The following CCDC110 variants were observed in gnomAD, a reference collection of about 807,000 sequenced individuals.
The protein encoded by CCDC110 is coiled-coil domain-containing protein 110.
Under a neutral mutation model 77.1 loss-of-function variants are expected in CCDC110, and 70 were observed. The observed-to-expected ratio is 0.91, with a 90% CI of 0.75 to 1.11. The LOEUF (loss-of-function observed/expected upper bound fraction) is 1.11. CCDC110 is among the 50% of genes least tolerant of loss of function. The pLI is 0.00. For synonymous variants in CCDC110, 295 were observed against 312.5 expected, an observed-to-expected ratio of 0.94 and a Z score of 0.59; for missense variants, 868 against 942.9, an observed-to-expected ratio of 0.92 and a Z score of 1.04.
At chr4:185,449,363 A>T (rs1014325303) in intron 6 of CCDC110, among the ~76,000 whole-genome samples, 2 of 152,130 alleles carry the variant, frequency 1.3e-5, no homozygotes, top group Non-Finnish European at 2.9e-5. Flanking sequence ...TCTACAAAAA[A>T]TATAAAAATT....
At chr4:185,456,586 G>A (rs1210081110) in intron 6 of CCDC110, among the ~76,000 whole-genome samples, 2 of 152,156 alleles carry the variant, frequency 1.3e-5, no homozygotes, top group Non-Finnish European at 2.9e-5. Context: ...CAAGTCCTTT[G>A]AACGTTAAAA....
chr4:185,449,967 G>A (rs2153317561), intron 6 of CCDC110: 1 of 205,576 alleles, frequency 4.9e-6, no homozygotes, highest in South Asian at 1.5e-4. Flanking sequence ...GGGAGGAGCG[G>A]AAGAGACTGC....
Position 185,471,657 on chromosome 4 carries a change from C to T in CCDC110, c.10+17G>A, listed in dbSNP as rs539603597. ...TCCCGCGGCTCCCCTAGGAGCCCCG[C>T]CCCGTCCAACTCTTACCCGGGCTCA... On this transcript the variant is annotated intron_variant, in intron 1 of 6. Coordinates refer to ENST00000307588, the MANE Select transcript of CCDC110 (RefSeq NM_152775.4). The T allele has an allele frequency of 6.4e-7, 1 of 1,564,038 alleles. No individual in the cohort carries two copies. The highest frequency in any genetic ancestry group is 1.8e-5 in the Admixed American group (1 of 55,040).
Position 185,445,381 on chromosome 4 carries a change from G to A in CCDC110, c.*121C>T, listed in dbSNP as rs2153312363. 1.2e-6 allele frequency: 1 copy of A among 820,746 alleles called. No individual in the cohort carries two copies. Among genetic ancestry groups the A allele is most frequent in the Non-Finnish European group, 2.0e-6 (1 of 511,022 alleles). 50.8% of individuals were successfully genotyped at this position (820,746 alleles called of 1,614,324 possible). A position where few individuals can be genotyped will look rare whatever the true frequency, so the allele number is the denominator to read the frequency against. ...AACCATTCTGTGCATAATTTTTAAA[G>A]CAAATATATAGCGCCTCATTATGAG... On this transcript the variant is annotated 3_prime_UTR_variant, in exon 7 of 7. Transcript: ENST00000307588.
In CCDC110 at chr4:185,461,126, T is replaced by G; in HGVS notation, c.271A>C (p.Ser91Arg). 1 of 1,591,262 alleles carries G rather than the reference T, an allele frequency of 6.3e-7. No homozygotes were observed. The highest frequency in any genetic ancestry group is 1.1e-5 in the South Asian group (1 of 87,138). ...TGTGGGTTTTCTACTTCAATAATAC[T>G]TTTGTTCAATATTTCACTGATTTCC... ...QSEISEILNK[S>R]IIEVENPQFS... is the part of the protein sequence containing the mutation. Residue 91 changes from serine (S) to arginine (R), a missense_variant, in exon 5 of 7, where the codon AGT (serine) becomes CGT (arginine). Transcript: ENST00000307588.
Position 185,459,266 on chromosome 4 carries a change from T to C in CCDC110, c.1321A>G (p.Ile441Val), listed in dbSNP as rs746956904. Residue 441 changes from isoleucine to valine, a missense_variant, in exon 6 of 7, where the codon ATA becomes GTA. By Grantham distance (29) the Ile-to-Val change is conservative. Coordinates refer to ENST00000307588, the MANE Select transcript of CCDC110 (RefSeq NM_152775.4). ...TCCAGTTCCATTACTTTTTTCTGTA[T>C]CTGCACAGATTCTTTTAGGTAATTC... The part of the protein sequence containing the change: ...LQNYLKESVQ[I>V]QKKVMELESE... The C allele has an allele frequency of 6.2e-7, 1 of 1,613,278 alleles. No homozygotes were observed. The highest frequency in any genetic ancestry group is 8.5e-7 in the Non-Finnish European group (1 of 1,179,616).
In CCDC110 at chr4:185,460,916, G is replaced by A. The variant is rs140393114; in HGVS notation, c.348+133C>T. 84 of 612,408 alleles carry A rather than the reference G, an allele frequency of 1.4e-4. 5 individuals carry two copies. The highest frequency in any genetic ancestry group is 6.1e-4 in the African/African-American group (34 of 55,590). The allele number at this position is 612,408 out of a possible 1,614,324, so 37.9% of individuals were successfully genotyped here. On this transcript the variant is annotated intron_variant, in intron 5 of 6. Coordinates refer to ENST00000307588, the MANE Select transcript of CCDC110 (RefSeq NM_152775.4). ...CACATCTTTTAAGGTTTTCAGGACC[G>A]GAGTTTCCTTATTTTCATCTCTGAT...
chr4:185,454,033 G>T (rs911962876), intron 6 of CCDC110, among the ~76,000 whole-genome samples: 7 of 151,956 alleles, frequency 4.6e-5, no homozygotes, highest in Non-Finnish European at 8.8e-5. Context: ...GGTCAGGCTG[G>T]TCTTGAACTC....
intron 6 of CCDC110, chr4:185,457,842 A>C (rs906725357): frequency 4.8e-5 from 62 of 1,290,556 alleles, no homozygotes; most frequent in Non-Finnish European, 6.3e-5. Flanking sequence ...GAATTCTTTT[A>C]AGGTGGGAGT....
chr4:185,450,748 A>AAG, intron 6 of CCDC110, among the ~76,000 whole-genome samples: 1 of 151,728 alleles, frequency 6.6e-6, no homozygotes, highest in Admixed American at 6.6e-5. Context: ...TGTCTAAAAA[A>AAG]AAAAAAAAAA....
At chr4:185,451,760 T>C (rs2095629582) in intron 6 of CCDC110, among the ~76,000 whole-genome samples, 1 of 152,184 alleles carries the variant, frequency 6.6e-6, no homozygotes, top group Non-Finnish European at 1.5e-5. Flanking sequence ...TCAGAGTTTA[T>C]CAAAATTTAT....
intron 6 of CCDC110, among the ~76,000 whole-genome samples, chr4:185,451,228 T>C (rs1005729828): frequency 2.9e-5 from 4 of 137,066 alleles, no homozygotes; most frequent in African/African-American, 7.5e-5. Context: ...CTCTTTTTCT[T>C]TATAAATTAT....
At position 185,471,471 on chromosome 4, in the gene CCDC110, G is replaced by A. The variant is rs2095667643; in HGVS notation, c.10+203C>T. On this transcript the variant is annotated intron_variant, in intron 1 of 6. Transcript: ENST00000307588. ...TGGGCGGGCGGCGGCGGCAGACCAC[G>A]TAGCCAGCCTGTAAGCCACAGCGGA... The A allele has an allele frequency of 9.6e-5, 50 of 520,756 alleles. 1 individual carries two copies. In the South Asian group the frequency reaches 1.2e-3, roughly 13 times the overall value. 32.3% of individuals were successfully genotyped at this position (520,756 alleles called of 1,614,324 possible).
intron 3 of CCDC110, 38 bp downstream of exon 3, chr4:185,462,956 C>G (rs1328734504): frequency 6.5e-7 from 1 of 1,538,724 alleles, no homozygotes; most frequent in Admixed American, 1.7e-5. Context: ...AGCCTTTACC[C>G]AGAATTTTGG....
chr4:185,447,333 C>T (rs1051998072), intron 6 of CCDC110, among the ~76,000 whole-genome samples: 4 of 152,160 alleles, frequency 2.6e-5, no homozygotes, highest in East Asian at 3.9e-4. Context: ...AGGCGCCCGC[C>T]ACCACGCCCG....
chr4:185,460,315 A>C, intron 5 of CCDC110, 77 bp from the exon 6 acceptor site: 3 of 1,131,838 alleles, frequency 2.7e-6, no homozygotes. Flanking sequence ...TATTTTGTGG[A>C]GGGTTTATTT....
At chr4:185,446,769 T>C (rs1338949455) in intron 6 of CCDC110, among the ~76,000 whole-genome samples, 2 of 152,232 alleles carry the variant, frequency 1.3e-5, no homozygotes, top group Non-Finnish European at 1.5e-5. Context: ...TTATGTACTT[T>C]AAGATGTGTT....
rs1580188039 is a variant in CCDC110, at chr4:185,461,081, G to C, written c.316C>G (p.Leu106Val). The change falls in exon 5 of 7, where the codon CTG (leucine) becomes GTG (valine). Residue 106 changes from leucine (L) to valine (V), a missense_variant. Transcript: ENST00000307588. ...TTTTCAATGCGCGTGCCAAACACCA[G>C]ATTTTTTTCTGAGCTAAATTGTGGG... The part of the protein sequence containing the change: ...ENPQFSSEKN[L>V]VFGTRIEKDL... The C allele has an allele frequency of 6.3e-7, 1 of 1,599,858 alleles. No homozygotes were observed.
At chr4:185,463,404 T>C (rs1255274466) in intron 2 of CCDC110, among the ~76,000 whole-genome samples, 1 of 152,238 alleles carries the variant, frequency 6.6e-6, no homozygotes, top group Non-Finnish European at 1.5e-5. Flanking sequence ...CAAAGTAGTA[T>C]ACAGGCCTCA....
Sources: allele counts gnomAD v4.1 joint callset (sites outside exome capture counted in the v4.1 genomes callset), GRCh38; gene constraint gnomAD v4.1.1; transcripts MANE v1.5; gene names NCBI Gene and HGNC (gene_info 2026-07-23, HGNC 2026-07-21).